RMST: variants seen among roughly 807,000 people sequenced by gnomAD.
The protein encoded by RMST is rhabdomyosarcoma 2 associated transcript, also known as long intergenic non-protein coding RNA 54.
intron 10 of RMST, among the ~76,000 whole-genome samples, chr12:97,514,283 C>T (rs1879708401): frequency 6.6e-6 from 1 of 152,140 alleles, no homozygotes; most frequent in African/African-American, 2.4e-5. Context: ...GGTTTCTGAC[C>T]TTTAAGGTTT....
At chr12:97,553,950 T>C (rs990317520) in intron 11 of RMST, among the ~76,000 whole-genome samples, 1 of 100,358 alleles carries the variant, frequency 1.0e-5, no homozygotes, top group African/African-American at 7.5e-5. Context: ...TTTCTTTCTC[T>C]TTTTTTTTTT....
intron 5 of RMST, among the ~76,000 whole-genome samples, chr12:97,492,267 C>G (rs1876928022): frequency 6.6e-6 from 1 of 152,176 alleles, no homozygotes; most frequent in Non-Finnish European, 1.5e-5. Flanking sequence ...TCTGTCAGAT[C>G]TTAACACTAA....
intron 11 of RMST, among the ~76,000 whole-genome samples, chr12:97,554,593 A>G (rs1883561580): frequency 6.6e-6 from 1 of 152,182 alleles, no homozygotes; most frequent in Non-Finnish European, 1.5e-5. Flanking sequence ...ACAAAATGTT[A>G]TTACTCATAT....
chr12:97,502,710 C>A (rs1416036095), intron 10 of RMST, among the ~76,000 whole-genome samples: 1 of 152,156 alleles, frequency 6.6e-6, no homozygotes, highest in Non-Finnish European at 1.5e-5. Flanking sequence ...ATGATCCACC[C>A]ACCTCAGCCT....
At chr12:97,489,939 A>T (rs957655206) in intron 5 of RMST, among the ~76,000 whole-genome samples, 2 of 152,198 alleles carry the variant, frequency 1.3e-5, no homozygotes, top group Non-Finnish European at 2.9e-5. Context: ...CTAACTTGGA[A>T]TAGGTAGCAT....
chr12:97,524,132 T>C (rs968154603), intron 10 of RMST, among the ~76,000 whole-genome samples: 2 of 148,342 alleles, frequency 1.3e-5, no homozygotes, highest in African/African-American at 5.0e-5. Flanking sequence ...GAATATCCAT[T>C]GTGTTCTTTA....
chr12:97,465,995 G>A (rs911701622), intron 5 of RMST, among the ~76,000 whole-genome samples: 15 of 152,076 alleles, frequency 9.9e-5, no homozygotes, highest in Admixed American at 3.3e-4. Flanking sequence ...TAGAGACAAT[G>A]ATCATTTTGG....
chr12:97,486,710 G>A (rs1430641660), intron 5 of RMST, among the ~76,000 whole-genome samples: 4 of 152,286 alleles, frequency 2.6e-5, no homozygotes, highest in Admixed American at 6.5e-5. Flanking sequence ...TGGGAGAAAC[G>A]AATTTTTAAT....
rs565886448 is a variant in RMST at position 97,488,043 on chromosome 12, TC to T, written n.645-4414del. Among the ~76,000 whole-genome samples the T allele has an allele frequency of 1.5e-3, 231 of 152,312 alleles. 1 individual carries two copies. Among genetic ancestry groups the T allele is most frequent in the African/African-American group, 5.3e-3 (219 of 41,580 alleles). Reference sequence around the variant, plus strand: ...AGAAGGCTGTCTCTGGGACATGCCATCCCCATCTAGAGACCTGGAGACTGAT... The same window carrying T: ...AGAAGGCTGTCTCTGGGACATGCCATCCCATCTAGAGACCTGGAGACTGAT... On this transcript the variant is annotated intron_variant and non_coding_transcript_variant, in intron 5 of 13. Transcript: ENST00000640149.
intron 3 of RMST, chr12:97,463,075 G>C (rs1379430985): frequency 4.1e-5 from 5 of 122,592 alleles, no homozygotes; most frequent in East Asian, 2.8e-4. Flanking sequence ...CACACACACA[G>C]AGACGCACAC....
intron 11 of RMST, among the ~76,000 whole-genome samples, chr12:97,537,082 A>G (rs1882131549): frequency 6.6e-6 from 1 of 151,500 alleles, no homozygotes; most frequent in South Asian, 2.1e-4. Context: ...TTTGCAGGAA[A>G]ATAAATTGCT....
intron 3 of RMST, chr12:97,463,003 G>A (rs1872738181): frequency 8.6e-6 from 1 of 116,302 alleles, no homozygotes; most frequent in Non-Finnish European, 1.9e-5. Context: ...TAGGTTCTTA[G>A]TCTCAAGTCA....
chr12:97,530,231 C>T (rs1228066981), intron 10 of RMST: 1 of 152,000 alleles, frequency 6.6e-6, no homozygotes, highest in African/African-American at 2.4e-5. Context: ...CTAAAACTTT[C>T]CTTAAATTTC....
chr12:97,470,954 C>A (rs1275042048), intron 5 of RMST, among the ~76,000 whole-genome samples: 1 of 152,064 alleles, frequency 6.6e-6, no homozygotes, highest in Non-Finnish European at 1.5e-5. Flanking sequence ...TAGTGCAAAT[C>A]TCCTCTATCA....
At chr12:97,547,462 T>C (rs1883022570) in intron 11 of RMST, among the ~76,000 whole-genome samples, 1 of 152,068 alleles carries the variant, frequency 6.6e-6, no homozygotes, top group Admixed American at 6.6e-5. Flanking sequence ...TTTTGAGGAA[T>C]CTTCATACTG....
chr12:97,541,725 AAAAAGAAAAAG>A (rs1882547833), intron 11 of RMST, among the ~76,000 whole-genome samples: 1 of 143,266 alleles, frequency 7.0e-6, no homozygotes, highest in Non-Finnish European at 1.6e-5. Context: ...AGATTTAAAA[AAAAAGAAAAAG>A]AAAAAGAAAA....
intron 5 of RMST, among the ~76,000 whole-genome samples, chr12:97,468,726 A>G (rs1873515975): frequency 6.6e-6 from 1 of 152,066 alleles, no homozygotes; most frequent in African/African-American, 2.4e-5. Flanking sequence ...ATCCTAAAAC[A>G]TGCAGAATTT....
intron 10 of RMST, among the ~76,000 whole-genome samples, chr12:97,528,102 T>C (rs905936746): frequency 2.0e-5 from 3 of 152,164 alleles, no homozygotes; most frequent in Non-Finnish European, 4.4e-5. Flanking sequence ...AGATGGAGTC[T>C]TTGATTCTAC....
At chr12:97,506,675 G>GTTTTTTTTTTTTTTTTTTTTTTTT (rs780505590) in intron 10 of RMST, among the ~76,000 whole-genome samples, 1 of 76,948 alleles carries the variant, frequency 1.3e-5, no homozygotes, top group African/African-American at 5.3e-5. Flanking sequence ...AGGGTAATCT[G>GTTTTTTTTTTTTTTTTTTTTTTTT]TTTTTTTTTT....
Sources: gnomAD v4.1 joint callset for allele counts (sites outside exome capture counted in the v4.1 genomes callset) on GRCh38, gnomAD v4.1.1 for gene constraint, MANE v1.5 for transcripts, NCBI Gene and HGNC (gene_info 2026-07-23, HGNC 2026-07-21) for gene names.